ADAMTS2: variants seen among roughly 807,000 people sequenced by gnomAD.
ADAMTS2 encodes A disintegrin and metalloproteinase with thrombospondin motifs 2.
Under a neutral mutation model 123.0 loss-of-function variants are expected in ADAMTS2, and 50 were observed. The ratio of observed to expected loss-of-function variants is 0.41; its 90% confidence interval spans 0.32 to 0.51. The LOEUF is 0.51. Among genes scored for constraint, ADAMTS2 ranks in the 20% least tolerant of loss-of-function variants. The pLI is 0.35. For missense variants in ADAMTS2, 1,494 were observed against 1,705.2 expected (o/e 0.88, Z 2.18); for synonymous variants, 678 against 695.4 (o/e 0.98, Z 0.39).
intron 3 of ADAMTS2, among the ~76,000 whole-genome samples, chr5:179,235,518 A>G (rs1020493729): frequency 3.3e-5 from 5 of 152,172 alleles, no homozygotes; most frequent in Non-Finnish European, 7.4e-5. Context: ...GCCCTTAAAG[A>G]AACTCACCTG....
rs544308794 is a variant in ADAMTS2 at position 179,114,512 on chromosome 5, A to G, written c.3179-188T>C. ...TCCCCAGTGCAGGCAGTGTCCAGGG[A>G]CCCCTGCCTGGAAGTGCTGACACAC... On this transcript the variant is annotated intron_variant, in intron 21 of 21. Coordinates refer to ENST00000251582, the MANE Select transcript of ADAMTS2 (RefSeq NM_014244.5). Among the ~76,000 whole-genome samples, 28 of 152,090 alleles carry G rather than the reference A, an allele frequency of 1.8e-4. No homozygotes were observed. In the East Asian group the frequency reaches 4.8e-3, roughly 26 times the overall value.
chr5:179,294,677 G>A (rs1022282028), intron 2 of ADAMTS2, among the ~76,000 whole-genome samples: 1 of 152,246 alleles, frequency 6.6e-6, no homozygotes, highest in Non-Finnish European at 1.5e-5. Flanking sequence ...TCCGCAGGGT[G>A]GCCCCTGCCC....
rs895102932 is a variant in ADAMTS2 at position 179,170,670 on chromosome 5, T to G, written c.975+10402A>C. ...CCAGATCTTGGCTGGGAAGTCCCCA[T>G]CCTGGCTGCTCCATCCATGGTCCCC... On this transcript the variant is annotated intron_variant, in intron 5 of 21. Transcript: ENST00000251582. The surrounding 1 kb of genome is among the most constrained non-coding windows in gnomAD (Gnocchi z 4.3). Among the ~76,000 whole-genome samples, 13 of 152,164 alleles carry G rather than the reference T, an allele frequency of 8.5e-5. No homozygotes were observed. The highest frequency in any genetic ancestry group is 1.5e-4 in the Non-Finnish European group (10 of 68,024).
chr5:179,200,218 C>T (rs1764529045), intron 4 of ADAMTS2, among the ~76,000 whole-genome samples: 1 of 144,856 alleles, frequency 6.9e-6, no homozygotes, highest in Admixed American at 6.9e-5. Flanking sequence ...TTTGAATTCT[C>T]TATCTCCCCG....
intron 2 of ADAMTS2, among the ~76,000 whole-genome samples, chr5:179,305,333 A>G (rs1470505716): frequency 6.6e-6 from 1 of 152,236 alleles, no homozygotes; most frequent in Non-Finnish European, 1.5e-5. Flanking sequence ...GAGGAATGAT[A>G]ATGCTGTCTG....
At chr5:179,299,326 G>GAT (rs1756436669) in intron 2 of ADAMTS2, among the ~76,000 whole-genome samples, 1 of 81,568 alleles carries the variant, frequency 1.2e-5, no homozygotes, top group East Asian at 3.4e-4. Context: ...TCAGGAGATG[G>GAT]AGACCATCCT....
intron 4 of ADAMTS2, among the ~76,000 whole-genome samples, chr5:179,190,529 G>A (rs186953326): frequency 4.0e-4 from 61 of 152,302 alleles, no homozygotes; most frequent in African/African-American, 1.3e-3. Flanking sequence ...GCCCAAGGGG[G>A]TTCAGCATAA....
At chr5:179,174,045 C>T (rs1480547001) in intron 5 of ADAMTS2, among the ~76,000 whole-genome samples, 1 of 150,084 alleles carries the variant, frequency 6.7e-6, no homozygotes, top group African/African-American at 2.4e-5. Context: ...AAAAAAAGAA[C>T]ATTTTTAAGG....
intron 2 of ADAMTS2, among the ~76,000 whole-genome samples, chr5:179,325,350 A>G (rs4701096): frequency 0.64 from 97,814 of 152,068 alleles, 31,655 homozygotes; most frequent in South Asian, 0.77. Context: ...TATCATGGGC[A>G]GCTGGAAGGG....
intron 4 of ADAMTS2, among the ~76,000 whole-genome samples, chr5:179,193,443 G>C (rs1438204934): frequency 6.6e-6 from 1 of 152,208 alleles, no homozygotes. Flanking sequence ...GGGCATGGGA[G>C]TCAGTACAGA....
chr5:179,241,649 CCT>C (rs1364145741), intron 3 of ADAMTS2, among the ~76,000 whole-genome samples: 1 of 152,202 alleles, frequency 6.6e-6, no homozygotes, highest in Non-Finnish European at 1.5e-5. Context: ...ATTCAAGTTT[CCT>C]CTTTCTTTTA....
rs1425353892 is a variant in ADAMTS2 at position 179,129,813 on chromosome 5, C to CA, written c.2457+118dup. 2.2e-6 allele frequency: 3 copies of CA among 1,394,064 alleles called. No individual in the cohort carries two copies. The highest frequency in any genetic ancestry group is 2.9e-6 in the Non-Finnish European group (3 of 1,019,044). 86.4% of individuals were successfully genotyped at this position (1,394,064 alleles called of 1,614,324 possible). ...GAGCCCCTTGGTGCCAAAGGCAGGC[C>CA]AAAGGGGCCACGCAGAGTGTCACCT... is the stretch of plus-strand genomic sequence containing the variant. On this transcript the variant is annotated intron_variant, in intron 16 of 21. Transcript: ENST00000251582. The surrounding 1 kb of genome is among the most constrained non-coding windows in gnomAD (Gnocchi z 4.1).
At chr5:179,288,162 C>T (rs1001932018) in intron 2 of ADAMTS2, among the ~76,000 whole-genome samples, 2 of 152,306 alleles carry the variant, frequency 1.3e-5, no homozygotes, top group African/African-American at 4.8e-5. Flanking sequence ...AGGACCCCTC[C>T]GGCCTCATGC....
rs190939761 is a variant in ADAMTS2 at position 179,256,738 on chromosome 5, C to T, written c.688+16173G>A. ...CCACCCAGTGCTGCTGGCAGGAACA[C>T]GCCCAGGGTGGCCAGGCCTTCTGAA... On this transcript the variant is annotated intron_variant, in intron 3 of 21. Transcript: ENST00000251582. The surrounding 1 kb of genome is among the most constrained non-coding windows in gnomAD (Gnocchi z 4.1). Among the ~76,000 whole-genome samples, 61 of 152,340 alleles carry T rather than the reference C, an allele frequency of 4.0e-4. 1 individual carries two copies. Among genetic ancestry groups the T allele is most frequent in the East Asian group, 1.4e-3 (7 of 5,180 alleles).
chr5:179,188,577 C>T lies in ADAMTS2; in HGVS notation c.892-7422G>A, dbSNP rs34732189. Among the ~76,000 whole-genome samples, 5,724 of 152,252 alleles carry T rather than the reference C, an allele frequency of 0.038. 107 individuals are homozygous for T. The highest frequency in any genetic ancestry group is 0.06 in the African/African-American group (2,510 of 41,556). On this transcript the variant is annotated intron_variant, in intron 4 of 21. Coordinates refer to ENST00000251582, the MANE Select transcript of ADAMTS2 (RefSeq NM_014244.5). This position sits in a 1 kb window ranked among gnomAD's most constrained non-coding sequence, Gnocchi z 5.1. ...AGAGGGAATGCTAGAAGAAACGTGA[C>T]TCTTGCTCAAAATATCAAACTACCA...
chr5:179,289,280 T>C (rs959579965), intron 2 of ADAMTS2, among the ~76,000 whole-genome samples: 2 of 152,128 alleles, frequency 1.3e-5, no homozygotes, highest in Non-Finnish European at 2.9e-5. Flanking sequence ...TAAATGATAG[T>C]AATAGGTTAG....
Position 179,273,018 on chromosome 5 carries a change from A to C in ADAMTS2, c.581T>G (p.Leu194Trp). ...MEEEEFFIEP[L>W]EKGLAAQEAE... ...CTCCTGCGCCGCCAGCCCCTTCTCCAAGGGTTCGATGAAGAACTCCTCCTC... is the reference window on the plus strand; with the variant it reads ...CTCCTGCGCCGCCAGCCCCTTCTCCCAGGGTTCGATGAAGAACTCCTCCTC... Residue 194 changes from leucine (L) to tryptophan (W), a missense_variant, in exon 3 of 22, where the codon TTG becomes TGG. This residue lies in a region of ADAMTS2 where 184 missense variants were observed against 152.1 expected (regional missense o/e 1.21). Transcript: ENST00000251582. 1 of 1,613,490 alleles carries C rather than the reference A, an allele frequency of 6.2e-7. No individual in the cohort carries two copies.
intron 3 of ADAMTS2, among the ~76,000 whole-genome samples, chr5:179,245,242 G>T (rs1308325640): frequency 2.6e-5 from 4 of 152,090 alleles, no homozygotes; most frequent in Non-Finnish European, 5.9e-5. Flanking sequence ...AAGGAATGCA[G>T]GTGGCCTCCA....
chr5:179,317,406 G>A lies in ADAMTS2; in HGVS notation c.534+26361C>T, dbSNP rs945872650. On this transcript the variant is annotated intron_variant, in intron 2 of 21. Coordinates refer to ENST00000251582, the MANE Select transcript of ADAMTS2 (RefSeq NM_014244.5). This position sits in a 1 kb window ranked among gnomAD's most constrained non-coding sequence, Gnocchi z 4.9. ...CCCGATTCCTGTCACCAACACAACA[G>A]GAAAGGAGCTTGAAGACCCAGGAGG... Among the ~76,000 whole-genome samples the A allele has an allele frequency of 2.6e-5, 4 of 152,210 alleles. No individual in the cohort carries two copies. The highest frequency in any genetic ancestry group is 4.4e-5 in the Non-Finnish European group (3 of 68,032).
Sources: gnomAD v4.1 joint callset for allele counts (sites outside exome capture counted in the v4.1 genomes callset) on GRCh38, gnomAD v4.1.1 for gene constraint, gnomAD v4.1.1 regional missense constraint, Gnocchi (gnomAD v3.1) non-coding constraint, MANE v1.5 for transcripts, NCBI Gene and HGNC (gene_info 2026-07-23, HGNC 2026-07-21) for gene names.